The following GNB1 variants were observed in gnomAD, a reference collection of about 807,000 sequenced individuals.
The protein encoded by GNB1 is G protein subunit beta 1.
In GNB1, 2 loss-of-function variants were observed where a neutral mutation model predicts 42.9. The observed-to-expected ratio is 0.05, with a 90% CI of 0.02 to 0.15. The LOEUF (loss-of-function observed/expected upper bound fraction) is 0.15, where lower values mean the gene tolerates loss of function less well. GNB1 is among the 10% of genes least tolerant of loss of function. The pLI is 1.00. For synonymous variants in GNB1, 183 were observed against 174.7 expected (o/e 1.05, Z -0.38); for missense variants, 193 against 462.2 (o/e 0.42, Z 5.34).
At chr1:1,792,701 A>AC (rs1187703828) in intron 8 of GNB1, among the ~76,000 whole-genome samples, 1 of 151,544 alleles carries the variant, frequency 6.6e-6, no homozygotes, top group East Asian at 1.9e-4. Flanking sequence ...TATCTCAAAA[A>AC]AAAAAAAAAA....
chr1:1,818,083 T>C (rs1646881190), intron 3 of GNB1: 1 of 476,630 alleles, frequency 2.1e-6, no homozygotes, highest in Non-Finnish European at 3.9e-6. Flanking sequence ...AGAGAACCAG[T>C]AGTACCCAAA....
At chr1:1,810,341 A>G (rs1159026324) in intron 5 of GNB1, among the ~76,000 whole-genome samples, 1 of 151,448 alleles carries the variant, frequency 6.6e-6, no homozygotes, top group Non-Finnish European at 1.5e-5. Context: ...CTGGGATTAC[A>G]GGCCTGAGCC....
At chr1:1,853,237 T>C (rs116409284) in intron 1 of GNB1, among the ~76,000 whole-genome samples, 1 of 152,328 alleles carries the variant, frequency 6.6e-6, no homozygotes, top group African/African-American at 2.4e-5. Context: ...GCCTGATTTA[T>C]CTTTCTGAAG....
chr1:1,828,701 T>A (rs1253279483), intron 2 of GNB1, among the ~76,000 whole-genome samples: 1 of 152,196 alleles, frequency 6.6e-6, no homozygotes, highest in African/African-American at 2.4e-5. Context: ...TGTGCCAACA[T>A]TTGAGTTTCA....
At position 1,864,273 on chromosome 1, in the gene GNB1, G is replaced by C. The variant is rs1032944150; in HGVS notation, c.-95-25035C>G. Among the ~76,000 whole-genome samples the C allele has an allele frequency of 6.0e-4, 75 of 125,458 alleles. 1 individual carries two copies. The highest frequency in any genetic ancestry group is 1.9e-4 in the Non-Finnish European group (12 of 63,404). The allele number at this position is 125,458 out of a possible 152,430, so 82.3% of individuals were successfully genotyped here. The stretch of plus-strand genomic sequence containing the variant: ...GGAGGTTGCAGTGTGCCAAGATCGT[G>C]CCACTGCACTCCAGCCTGGGTGACA... On this transcript the variant is annotated intron_variant, in intron 1 of 11. Transcript: ENST00000378609.
intron 7 of GNB1, among the ~76,000 whole-genome samples, chr1:1,803,476 C>T (rs1646653262): frequency 6.6e-6 from 1 of 152,150 alleles, no homozygotes; most frequent in African/African-American, 2.4e-5. Flanking sequence ...GAGAAGGGGT[C>T]TAGCTTTGTT....
intron 5 of GNB1, among the ~76,000 whole-genome samples, chr1:1,807,858 C>T (rs1309965728): frequency 6.6e-6 from 1 of 152,044 alleles, no homozygotes; most frequent in African/African-American, 2.4e-5. Context: ...CAGGCGCCCA[C>T]CATCACGCCC....
chr1:1,829,055 T>C (rs749061988), intron 2 of GNB1, among the ~76,000 whole-genome samples: 1 of 151,760 alleles, frequency 6.6e-6, no homozygotes. Context: ...AAGATATATT[T>C]TCTTTTCTTT....
rs571348321 is a variant in GNB1, at chr1:1,867,986, TC to T, written c.-96+22833del. Among the ~76,000 whole-genome samples the T allele has an allele frequency of 3.9e-5, 6 of 152,304 alleles. No individual in the cohort carries two copies. The South Asian group carries it at 1.2e-3, about 32-fold the overall frequency. On this transcript the variant is annotated intron_variant, in intron 1 of 11. Transcript: ENST00000378609. ...TTATAAAAAATCTACTAGGAAACGT[TC>T]CCCCTTTTCTTTCTTTAGAACTCCC...
intron 8 of GNB1, among the ~76,000 whole-genome samples, chr1:1,792,390 C>T (rs1307308786): frequency 1.3e-5 from 2 of 152,156 alleles, no homozygotes; most frequent in South Asian, 2.1e-4. Flanking sequence ...TACTTTGAGC[C>T]TGATTGTAGT....
At chr1:1,838,449 CTTT>C (rs112843995) in intron 2 of GNB1, among the ~76,000 whole-genome samples, 3 of 141,576 alleles carry the variant, frequency 2.1e-5, no homozygotes, top group Non-Finnish European at 3.1e-5. Context: ...TTTTTCTTTT[CTTT>C]TTTTTTTTTT....
At chr1:1,793,822 A>C (rs7545812) in intron 7 of GNB1, 1 of 153,588 alleles carries the variant, frequency 6.5e-6, no homozygotes, top group Non-Finnish European at 1.5e-5. Context: ...CACAAGATGG[A>C]AGCCAGGAGA....
At chr1:1,792,342 G>A (rs1397732424) in intron 8 of GNB1, among the ~76,000 whole-genome samples, 1 of 151,908 alleles carries the variant, frequency 6.6e-6, no homozygotes, top group African/African-American at 2.4e-5. Flanking sequence ...CACCTAAGGA[G>A]GTACAAATAT....
At chr1:1,889,318 C>G (rs910083255) in intron 1 of GNB1, among the ~76,000 whole-genome samples, 2 of 152,138 alleles carry the variant, frequency 1.3e-5, no homozygotes, top group African/African-American at 4.8e-5. Context: ...CTAATGTTAT[C>G]AGATAGATAG....
intron 1 of GNB1, among the ~76,000 whole-genome samples, chr1:1,883,999 C>CT (rs372458867): frequency 6.9e-5 from 10 of 144,792 alleles, no homozygotes; most frequent in African/African-American, 2.6e-4. Flanking sequence ...GAGTTTCACT[C>CT]TTGTTGCCCA....
At chr1:1,874,693 A>T (rs1224781040) in intron 1 of GNB1, among the ~76,000 whole-genome samples, 6 of 148,970 alleles carry the variant, frequency 4.0e-5, no homozygotes, top group African/African-American at 1.5e-4. Flanking sequence ...TGGGAGACTG[A>T]GACAGGAGAA....
chr1:1,879,522 C>T (rs549444665), intron 1 of GNB1, among the ~76,000 whole-genome samples: 4 of 151,944 alleles, frequency 2.6e-5, no homozygotes, highest in Non-Finnish European at 5.9e-5. Flanking sequence ...CTGCCTAACA[C>T]GGTGAAACCC....
At chr1:1,875,944 G>A (rs1186260160) in intron 1 of GNB1, among the ~76,000 whole-genome samples, 1 of 151,958 alleles carries the variant, frequency 6.6e-6, no homozygotes, top group Non-Finnish European at 1.5e-5. Flanking sequence ...TACTGAATTA[G>A]GGTGGCCCTA....
intron 2 of GNB1, among the ~76,000 whole-genome samples, chr1:1,837,138 A>T (rs1557915631): frequency 6.6e-6 from 1 of 152,272 alleles, no homozygotes; most frequent in East Asian, 1.9e-4. Context: ...CAATTTATAA[A>T]TGTTTTCTTT....
Sources: gnomAD v4.1 joint callset for allele counts (sites outside exome capture counted in the v4.1 genomes callset) on GRCh38, gnomAD v4.1.1 for gene constraint, MANE v1.5 for transcripts, NCBI Gene and HGNC (gene_info 2026-07-23, HGNC 2026-07-21) for gene names.